Variants in MYO1B observed in about 807,000 individuals in gnomAD.
MYO1B encodes myosin IB, also known as unconventional myosin-Ib.
A neutral mutation model predicts 159.7 loss-of-function variants in MYO1B; 72 were observed. The observed-to-expected ratio is 0.45, with a 90% CI of 0.37 to 0.55. The LOEUF is 0.55. Ranked by LOEUF, MYO1B falls within the 20% of genes least tolerant of loss-of-function variation. The pLI is 0.00. For synonymous variants in MYO1B, 468 were observed against 473.8 expected (o/e 0.99, Z 0.16); for missense variants, 1,062 against 1,364.8 (o/e 0.78, Z 3.50).
intron 21 of MYO1B, among the ~76,000 whole-genome samples, chr2:191,398,484 G>A (rs1238251407): frequency 8.1e-5 from 12 of 148,078 alleles, no homozygotes; most frequent in African/African-American, 2.0e-4. Flanking sequence ...GGTGGCTGCC[G>A]GACGGAGGGG....
At chr2:191,294,201 A>G (rs761560362) in intron 2 of MYO1B, among the ~76,000 whole-genome samples, 1 of 152,218 alleles carries the variant, frequency 6.6e-6, no homozygotes, top group Non-Finnish European at 1.5e-5. Context: ...ATTTGAGGCA[A>G]CAGAGTTTGT....
At chr2:191,320,207 CACTAA>C (rs2125890326) in intron 3 of MYO1B, among the ~76,000 whole-genome samples, 1 of 152,294 alleles carries the variant, frequency 6.6e-6, no homozygotes, top group Admixed American at 6.5e-5. Flanking sequence ...GTCCTCACAT[CACTAA>C]ATTATTTTCT....
chr2:191,298,668 GTAA>G (rs1689127505), intron 3 of MYO1B, among the ~76,000 whole-genome samples: 1 of 151,942 alleles, frequency 6.6e-6, no homozygotes, highest in Non-Finnish European at 1.5e-5. Context: ...AATAATAATA[GTAA>G]TAATAAAAGT....
intron 1 of MYO1B, among the ~76,000 whole-genome samples, chr2:191,266,314 A>G (rs16833558): frequency 0.015 from 2,215 of 152,294 alleles, 53 homozygotes; most frequent in African/African-American, 0.051. Flanking sequence ...GTCAGGCTAC[A>G]TAACAGCCCT....
chr2:191,400,631 C>A, intron 22 of MYO1B, 118 bp from the exon 23 acceptor site: 3 of 1,343,842 alleles, frequency 2.2e-6, no homozygotes, highest in South Asian at 1.3e-5. Flanking sequence ...GTGGCACATG[C>A]TTTTGCGTTT....
chr2:191,363,305 G>C (rs1286820779), intron 9 of MYO1B, among the ~76,000 whole-genome samples: 1 of 152,164 alleles, frequency 6.6e-6, no homozygotes, highest in Non-Finnish European at 1.5e-5. Flanking sequence ...CTGTTACCCA[G>C]TATCTTGGGC....
intron 1 of MYO1B, chr2:191,246,482 T>G (rs1280875866): frequency 6.6e-6 from 1 of 152,208 alleles, no homozygotes; most frequent in African/African-American, 2.4e-5. Context: ...GTTGTGTGCT[T>G]CTTGAGTTTC....
chr2:191,281,782 A>C (rs181789190), intron 2 of MYO1B, among the ~76,000 whole-genome samples: 2 of 152,180 alleles, frequency 1.3e-5, no homozygotes, highest in African/African-American at 4.8e-5. Flanking sequence ...TCTGACGAGA[A>C]GTATATTTGG....
At chr2:191,360,797 G>A (rs1693620871) in intron 8 of MYO1B, 68 bp downstream of exon 8, 2 of 827,562 alleles carry the variant, frequency 2.4e-6, no homozygotes, top group East Asian at 2.9e-5. Context: ...TTGGAGCTGG[G>A]AGTCTCACTG....
At chr2:191,336,103 T>C (rs1003909576) in intron 4 of MYO1B, among the ~76,000 whole-genome samples, 2 of 152,180 alleles carry the variant, frequency 1.3e-5, no homozygotes, top group African/African-American at 4.8e-5. Flanking sequence ...ACTACATTTT[T>C]CCAAGGACAT....
intron 13 of MYO1B, among the ~76,000 whole-genome samples, chr2:191,380,374 G>A (rs530658316): frequency 2.2e-4 from 33 of 152,266 alleles, no homozygotes; most frequent in African/African-American, 7.9e-4. Context: ...CATTACATGT[G>A]GGCTCTCCTT....
intron 3 of MYO1B, among the ~76,000 whole-genome samples, chr2:191,311,467 C>A (rs1429536301): frequency 6.6e-6 from 1 of 152,094 alleles, no homozygotes; most frequent in East Asian, 1.9e-4. Context: ...CACTAAGGGC[C>A]CTTGGATGTT....
chr2:191,381,437 G>A (rs1695035771), intron 13 of MYO1B, 25 bp from the exon 14 acceptor site: 1 of 1,536,830 alleles, frequency 6.5e-7, no homozygotes, highest in Admixed American at 1.7e-5. Context: ...GGTTTATAAA[G>A]CTGTTTTTCA....
intron 3 of MYO1B, among the ~76,000 whole-genome samples, chr2:191,297,148 T>TAAAGA (rs10622804): frequency 0.53 from 80,220 of 151,746 alleles, 21,928 homozygotes; most frequent in East Asian, 0.65. Flanking sequence ...CTACTGAGTT[T>TAAAGA]AAAGGAAAGA....
intron 1 of MYO1B, chr2:191,245,889 T>C (rs1231770325): frequency 6.6e-6 from 1 of 152,242 alleles, no homozygotes; most frequent in Non-Finnish European, 1.5e-5. Flanking sequence ...TAAACTAAGT[T>C]GCTCTTACTT....
chr2:191,290,454 T>A (rs532627736), intron 2 of MYO1B, among the ~76,000 whole-genome samples: 35 of 152,350 alleles, frequency 2.3e-4, no homozygotes, highest in Non-Finnish European at 4.3e-4. Context: ...AAGTTTCATA[T>A]CATTAATTGC....
intron 17 of MYO1B, among the ~76,000 whole-genome samples, chr2:191,389,342 TC>T (rs1695599870): frequency 6.6e-6 from 1 of 152,226 alleles, no homozygotes; most frequent in Admixed American, 6.5e-5. Context: ...TGCAGTATGA[TC>T]CAAAGCTAGC....
intron 7 of MYO1B, among the ~76,000 whole-genome samples, chr2:191,354,622 C>T (rs558300665): frequency 8.5e-5 from 13 of 152,168 alleles, no homozygotes; most frequent in African/African-American, 1.9e-4. Context: ...GACAACCCCC[C>T]GCCCCCTACA....
At chr2:191,325,252 G>A (rs1268054310) in intron 3 of MYO1B, among the ~76,000 whole-genome samples, 1 of 152,128 alleles carries the variant, frequency 6.6e-6, no homozygotes, top group African/African-American at 2.4e-5. Flanking sequence ...ATTGTAGATG[G>A]GAATTTTGAG....
Sources: gnomAD v4.1 joint callset for allele counts (sites outside exome capture counted in the v4.1 genomes callset) on GRCh38, gnomAD v4.1.1 for gene constraint, MANE v1.5 for transcripts, NCBI Gene and HGNC (gene_info 2026-07-23, HGNC 2026-07-21) for gene names.